ZNF582: variants seen among roughly 807,000 people sequenced by gnomAD.
ZNF582 encodes the protein zinc finger protein 582.
A neutral mutation model predicts 12.3 loss-of-function variants in ZNF582; 14 were observed. That is an observed-to-expected ratio of 1.14 (90% confidence interval 0.75 to 1.78). The LOEUF (loss-of-function observed/expected upper bound fraction) is 1.78. Ranked by LOEUF, ZNF582 falls within the 40% of genes most tolerant of loss-of-function variation. The probability of loss-of-function intolerance (pLI) is 0.00; values close to 1 mark genes in which losing one functional copy is unlikely to be tolerated. For missense variants in ZNF582, 567 were observed against 616.5 expected (o/e 0.92, Z 0.85); for synonymous variants, 210 against 207.2 (o/e 1.01, Z -0.11).
intron 1 of ZNF582, among the ~76,000 whole-genome samples, chr19:56,392,302 CAA>C (rs1217237390): frequency 1.3e-5 from 2 of 152,206 alleles, no homozygotes; most frequent in Non-Finnish European, 2.9e-5. Flanking sequence ...GCCAAATATA[CAA>C]AAAGCTCTAC....
Position 56,384,774 on chromosome 19 carries a change from T to G in ZNF582, c.643A>C (p.Ile215Leu), listed in dbSNP as rs2041950356. ...CCAGAATGAATATTCTCATGTTGAATTAGTCGTGAGCCATATTTAAAGGCC... is the reference window on the plus strand; with the variant it reads ...CCAGAATGAATATTCTCATGTTGAAGTAGTCGTGAGCCATATTTAAAGGCC... The change falls in exon 5 of 5, where the codon ATT (isoleucine) becomes CTT (leucine). Residue 215 changes from isoleucine to leucine, a missense_variant. Ile to Leu is a conservative substitution (Grantham distance 5). Coordinates refer to ENST00000586929, the Ensembl canonical transcript of ZNF582. 3 of 1,599,802 alleles carry G rather than the reference T, an allele frequency of 1.9e-6. No individual in the cohort carries two copies. The African/African-American group carries it at 4.0e-5, about 22-fold the overall frequency.
intron 1 of ZNF582, among the ~76,000 whole-genome samples, chr19:56,392,511 G>A (rs1366235148): frequency 1.3e-5 from 2 of 152,194 alleles, no homozygotes; most frequent in Non-Finnish European, 2.9e-5. Context: ...TGCTAAATAG[G>A]AGAACTGAAA....
chr19:56,384,146 T>G (rs1211417879), exon 5 of ZNF582: 11 of 1,612,850 alleles, frequency 6.8e-6, no homozygotes, highest in Non-Finnish European at 8.5e-6. Context: ...TTCCTTACAT[T>G]CATATGGCTT....
chr19:56,385,671 TAA>T (rs79502192), intron 4 of ZNF582, among the ~76,000 whole-genome samples: 12 of 135,366 alleles, frequency 8.9e-5, no homozygotes, highest in Non-Finnish European at 6.4e-5. Context: ...AGGGAGACTT[TAA>T]AAAAAAAAAA....
Position 56,383,934 on chromosome 19 carries a change from G to A in ZNF582, c.1483C>T (p.Leu495=), listed in dbSNP as rs144691406. ...GCCAACATAAATTCTCTGATGATTA[G>A]TAAGGGGTAACTGCTGATGGAAGGC... Residue 495 remains leucine, a synonymous_variant, in exon 5 of 5, where the codon CTA becomes TTA. Coordinates refer to ENST00000586929, the Ensembl canonical transcript of ZNF582. The A allele has an allele frequency of 3.7e-6, 6 of 1,611,330 alleles. No homozygotes were observed. The African/African-American group carries it at 6.7e-5, about 18-fold the overall frequency.
chr19:56,386,025 G>T (rs1304696665), intron 4 of ZNF582, among the ~76,000 whole-genome samples: 4 of 152,180 alleles, frequency 2.6e-5, no homozygotes, highest in Non-Finnish European at 5.9e-5. Context: ...GGAGATGGAC[G>T]GTGATGATGG....
chr19:56,384,475 C>T, exon 5 of ZNF582: 1 of 1,604,454 alleles, frequency 6.2e-7, no homozygotes, highest in Non-Finnish European at 8.5e-7. Context: ...TCCCACATTC[C>T]TTGCATGCAT....
Position 56,391,211 on chromosome 19 carries a change from C to CTTA in ZNF582, c.9+532_9+533insTAA, listed in dbSNP as rs1450511823. Among the ~76,000 whole-genome samples, 3 of 152,326 alleles carry CTTA rather than the reference C, an allele frequency of 2.0e-5. No homozygotes were observed. The East Asian group carries it at 5.8e-4, about 29-fold the overall frequency. On this transcript the variant is annotated intron_variant, in intron 2 of 4. Coordinates refer to ENST00000586929, the Ensembl canonical transcript of ZNF582. ...CACTTGCTACATCGCTCACCATCCT[C>CTTA]AGCTCTGTACTTTTCTTCCTCTTAA...
At chr19:56,389,677 T>A (rs954746884) in intron 4 of ZNF582, among the ~76,000 whole-genome samples, 2 of 151,994 alleles carry the variant, frequency 1.3e-5, no homozygotes, top group Non-Finnish European at 2.9e-5. Flanking sequence ...TTAAAAAAAA[T>A]TTTAAATATT....
exon 5 of ZNF582, chr19:56,384,401 T>C (rs1328731578): frequency 4.4e-6 from 7 of 1,603,024 alleles, no homozygotes; most frequent in East Asian, 4.5e-5. Context: ...CTTACATTCA[T>C]AGAGTTTCCT....
At chr19:56,383,462 T>A (rs1017116690) in exon 5 of ZNF582, 1 of 157,526 alleles carries the variant, frequency 6.3e-6, no homozygotes, top group African/African-American at 2.4e-5. Context: ...CCCCTTACCC[T>A]CACATCTCTT....
At chr19:56,392,518 GA>G (rs1186163360) in intron 1 of ZNF582, among the ~76,000 whole-genome samples, 1 of 152,204 alleles carries the variant, frequency 6.6e-6, no homozygotes, top group East Asian at 1.9e-4. Flanking sequence ...TAGGAGAACT[GA>G]AAATTAGTAC....
chr19:56,389,922 A>AT, intron 4 of ZNF582, 79 bp downstream of exon 4: 1 of 1,181,180 alleles, frequency 8.5e-7, no homozygotes, highest in Non-Finnish European at 1.2e-6. Flanking sequence ...TGCAGGGAAG[A>AT]TCTTCTAAGA....
At chr19:56,392,220 G>C (rs1200677686) in intron 1 of ZNF582, among the ~76,000 whole-genome samples, 1 of 152,176 alleles carries the variant, frequency 6.6e-6, no homozygotes, top group African/African-American at 2.4e-5. Context: ...GCCTTTCCAG[G>C]ACTAGGCCAT....
At chr19:56,387,373 C>T (rs2041975933) in intron 4 of ZNF582, 2 of 152,122 alleles carry the variant, frequency 1.3e-5, no homozygotes, top group Non-Finnish European at 2.9e-5. Flanking sequence ...CTGCTCTCAC[C>T]AGTGAAAAAC....
exon 5 of ZNF582, chr19:56,384,033 G>A: frequency 6.2e-7 from 1 of 1,613,374 alleles, no homozygotes; most frequent in South Asian, 1.1e-5. Flanking sequence ...GTTGAATCAT[G>A]ACTCAAGGTC....
In ZNF582 at chr19:56,384,425, G is replaced by GT. The variant is rs1356014657; in HGVS notation, c.991dup (p.Thr331AsnfsTer10). ...ATAGAGTTTCCTGCCAGTATGAACA[G>GT]TCTGATGTTGAATCAACTGAGAACG... is the stretch of plus-strand genomic sequence containing the variant. On this transcript the variant is annotated frameshift_variant, in exon 5 of 5. Transcript: ENST00000586929. LOFTEE classifies it low-confidence loss of function (END_TRUNC). 19 of 1,597,430 alleles carry GT rather than the reference G, an allele frequency of 1.2e-5. No individual in the cohort carries two copies. The highest frequency in any genetic ancestry group is 1.5e-5 in the Non-Finnish European group (18 of 1,171,856).
chr19:56,388,709 T>C (rs765265692), intron 4 of ZNF582, among the ~76,000 whole-genome samples: 12 of 152,162 alleles, frequency 7.9e-5, no homozygotes, highest in Non-Finnish European at 1.6e-4. Flanking sequence ...CTCGGATCAC[T>C]GCAATCTCCG....
exon 5 of ZNF582, chr19:56,384,523 A>C (rs745372039): frequency 4.3e-6 from 7 of 1,613,580 alleles, no homozygotes; most frequent in Non-Finnish European, 5.9e-6. Context: ...AATGTACTTT[A>C]AGATGTGAGA....
Sources: allele counts gnomAD v4.1 joint callset (sites outside exome capture counted in the v4.1 genomes callset), GRCh38; gene constraint gnomAD v4.1.1; transcripts MANE v1.5; gene names NCBI Gene and HGNC (gene_info 2026-07-23, HGNC 2026-07-21).